The following SLC28A1 variants were observed in gnomAD, a reference collection of about 807,000 sequenced individuals.
The protein encoded by SLC28A1 is solute carrier family 28 member 1, also known as sodium/nucleoside cotransporter 1.
SLC28A1 carries 64 observed loss-of-function variants against 74.8 expected under a neutral mutation model. That is an observed-to-expected ratio of 0.86 (90% CI 0.70 to 1.05). The LOEUF (loss-of-function observed/expected upper bound fraction) is 1.05, where lower values mean the gene tolerates loss of function less well. Among genes scored for constraint, SLC28A1 ranks in the 50% least tolerant of loss-of-function variants. The probability of loss-of-function intolerance (pLI) is 0.00; values close to 1 mark genes in which losing one functional copy is unlikely to be tolerated. For missense variants in SLC28A1, 828 were observed against 822.8 expected (o/e 1.01, Z -0.08); for synonymous variants, 359 against 335.0 (o/e 1.07, Z -0.78).
At chr15:84,954,590 G>C in the SLC28A1 span, among the ~76,000 whole-genome samples, 1 of 152,268 alleles carries the variant, frequency 6.6e-6, no homozygotes, top group South Asian at 2.1e-4. Flanking sequence ...CAACTGAGAC[G>C]TGGAGAAGTG....
intron 12 of SLC28A1, among the ~76,000 whole-genome samples, chr15:84,932,464 T>C (rs558062239): frequency 6.6e-6 from 1 of 152,294 alleles, no homozygotes; most frequent in East Asian, 1.9e-4. Context: ...AGAAGGAGAC[T>C]GAGGGTCAAA....
At chr15:84,913,276 G>A (rs527855286) in intron 9 of SLC28A1, among the ~76,000 whole-genome samples, 4 of 152,252 alleles carry the variant, frequency 2.6e-5, no homozygotes, top group South Asian at 2.1e-4. Flanking sequence ...GGGCACTGTC[G>A]ACAGTGCTCA....
At chr15:84,967,685 A>G in the SLC28A1 span, among the ~76,000 whole-genome samples, 2 of 150,988 alleles carry the variant, frequency 1.3e-5, no homozygotes, top group Non-Finnish European at 3.0e-5. Context: ...TGCTACAGGG[A>G]CCTCTCTGGG....
chr15:84,957,415 C>T, the SLC28A1 span, among the ~76,000 whole-genome samples: 9 of 152,166 alleles, frequency 5.9e-5, no homozygotes, highest in Non-Finnish European at 1.0e-4. Flanking sequence ...TACAGGCGAA[C>T]GCCACCACGC....
At chr15:84,912,851 T>G (rs1028235692) in intron 9 of SLC28A1, among the ~76,000 whole-genome samples, 7 of 111,676 alleles carry the variant, frequency 6.3e-5, no homozygotes, top group South Asian at 5.5e-4. Flanking sequence ...CACACACAGA[T>G]CAAATAAGGA....
chr15:84,921,077 T>A lies in SLC28A1; in HGVS notation c.957+8T>A. On this transcript the variant is annotated splice_region_variant and intron_variant, in intron 11 of 18. Transcript: ENST00000394573. ...AACATCTTTGTGAGCCAGGTGGGTATGGAAGCCTCCTACCCTCATGCTCAT... is the reference window on the plus strand; with the variant it reads ...AACATCTTTGTGAGCCAGGTGGGTAAGGAAGCCTCCTACCCTCATGCTCAT... 1 of 1,605,514 alleles carries A rather than the reference T, an allele frequency of 6.2e-7. No homozygotes were observed.
intron 11 of SLC28A1, among the ~76,000 whole-genome samples, chr15:84,921,729 C>T (rs528924868): frequency 6.6e-6 from 1 of 152,216 alleles, no homozygotes; most frequent in South Asian, 2.1e-4. Context: ...TGCTACGGTG[C>T]ATGTGTGTTG....
chr15:84,943,467 C>T lies in SLC28A1; in HGVS notation c.1604C>T (p.Thr535Met), dbSNP rs757092813. 6.8e-6 allele frequency: 11 copies of T among 1,613,874 alleles called. No individual in the cohort carries two copies. The highest frequency in any genetic ancestry group is 2.7e-5 in the African/African-American group (2 of 74,916). ...WISVRAEVLTTFALCGFANFS... is the reference protein window; with the variant it reads ...WISVRAEVLTMFALCGFANFS... ...CAGGTCAGAGCTGAAGTCCTCACGACGTTTGCCCTCTGTGGATTTGCCAAT... is the reference window on the plus strand; with the variant it reads ...CAGGTCAGAGCTGAAGTCCTCACGATGTTTGCCCTCTGTGGATTTGCCAAT... The change falls in exon 16 of 19, where the codon ACG (threonine) becomes ATG (methionine). Residue 535 changes from threonine to methionine, a missense_variant. Transcript: ENST00000394573.
chr15:84,944,597 C>T lies in SLC28A1; in HGVS notation c.1695C>T (p.Phe565=). ...TSMVPQRKSD[F]SQIVLRALFT... ...TGGTCCCCCAACGGAAGAGCGACTTCTCCCAGATAGTGCTCCGGGCGCTCT... is the reference window on the plus strand; with the variant it reads ...TGGTCCCCCAACGGAAGAGCGACTTTTCCCAGATAGTGCTCCGGGCGCTCT... The change falls in exon 17 of 19, where the codon TTC becomes TTT. Residue 565 remains phenylalanine, a synonymous_variant. Transcript: ENST00000394573. The T allele has an allele frequency of 6.2e-7, 1 of 1,614,022 alleles. No homozygotes were observed. The highest frequency in any genetic ancestry group is 8.5e-7 in the Non-Finnish European group (1 of 1,179,872).
intron 1 of SLC28A1, chr15:84,886,441 TG>T: frequency 1.0e-6 from 1 of 985,364 alleles, no homozygotes; most frequent in East Asian, 1.1e-4. Flanking sequence ...CTAATAGGCC[TG>T]GAAGAGGTCA....
intron 12 of SLC28A1, among the ~76,000 whole-genome samples, chr15:84,928,552 TTC>T (rs1420241662): frequency 4.5e-5 from 1 of 22,086 alleles, no homozygotes; most frequent in Non-Finnish European, 7.3e-5. Flanking sequence ...CTTTCTTTCT[TTC>T]TTTCTTTCTT....
intron 6 of SLC28A1, among the ~76,000 whole-genome samples, chr15:84,896,465 T>C (rs1048221033): frequency 1.3e-5 from 2 of 152,116 alleles, no homozygotes; most frequent in African/African-American, 2.4e-5. Context: ...TATGGAGAAA[T>C]TGAAACCCTT....
chr15:84,895,544 T>A, intron 6 of SLC28A1: 1 of 1,548,102 alleles, frequency 6.5e-7, no homozygotes, highest in Non-Finnish European at 8.7e-7. Context: ...GATTCTGATG[T>A]AGCCAGCAGC....
At chr15:84,975,567 A>C in the SLC28A1 span, 2 of 456,176 alleles carry the variant, frequency 4.4e-6, no homozygotes, top group South Asian at 3.1e-5. Flanking sequence ...TTCATTGTTA[A>C]GTATCTTGGA....
At chr15:84,925,474 C>T (rs192243107) in intron 12 of SLC28A1, among the ~76,000 whole-genome samples, 2 of 152,158 alleles carry the variant, frequency 1.3e-5, no homozygotes, top group East Asian at 3.9e-4. Flanking sequence ...GTGGTGGGTG[C>T]TTGTAATCCT....
the SLC28A1 span, among the ~76,000 whole-genome samples, chr15:84,971,566 C>G: frequency 2.6e-5 from 4 of 152,170 alleles, no homozygotes; most frequent in African/African-American, 9.7e-5. Flanking sequence ...GTGGCCCTCA[C>G]CAGAACCAGA....
At chr15:84,932,086 C>G (rs8024296) in intron 12 of SLC28A1, among the ~76,000 whole-genome samples, 10,618 of 152,168 alleles carry the variant, frequency 0.07, 1,241 homozygotes, top group African/African-American at 0.24. Context: ...TGGTGTATTT[C>G]TTTCTAATCT....
chr15:84,905,484 T>C, intron 7 of SLC28A1, 55 bp from the exon 8 acceptor site: 2 of 1,258,106 alleles, frequency 1.6e-6, no homozygotes, highest in South Asian at 1.2e-5. Context: ...CCCACCCGGC[T>C]CCCTGCCCAT....
intron 15 of SLC28A1, among the ~76,000 whole-genome samples, chr15:84,937,466 C>T (rs1270277801): frequency 1.3e-5 from 2 of 152,184 alleles, no homozygotes; most frequent in East Asian, 3.8e-4. Context: ...AAACAAGGTT[C>T]ACTACTTCAA....
Sources: allele counts gnomAD v4.1 joint callset (sites outside exome capture counted in the v4.1 genomes callset), GRCh38; gene constraint gnomAD v4.1.1; transcripts MANE v1.5; gene names NCBI Gene and HGNC (gene_info 2026-07-23, HGNC 2026-07-21).